The following CCDC78 variants were observed in gnomAD, a reference collection of about 807,000 sequenced individuals.
The protein encoded by CCDC78 is coiled-coil domain-containing protein 78.
A neutral mutation model predicts 61.9 loss-of-function variants in CCDC78; 78 were observed. The ratio of observed to expected loss-of-function variants is 1.26; its 90% CI spans 1.05 to 1.52. The LOEUF is 1.52. CCDC78 is among the 40% of genes most tolerant of loss of function. CCDC78 has a pLI of 0.00. For missense variants in CCDC78, 737 were observed against 615.5 expected (o/e 1.20, Z -2.09); for synonymous variants, 287 against 251.9 (o/e 1.14, Z -1.32).
Position 726,012 on chromosome 16 carries a change from G to C in CCDC78, c.134C>G (p.Ala45Gly). Reference protein sequence around the residue: ...GTAVWATSLEAEVPPDLALNK... With the variant: ...GTAVWATSLEGEVPPDLALNK... ...GAGCGCTAGATCTGGTGGGACCTCT[G>C]CTTCCAAGCTGGTGGCCCACACTGC... Residue 45 changes from alanine (A) to glycine (G), a missense_variant, in exon 2 of 14, where the codon GCA becomes GGA. Coordinates refer to ENST00000345165, the MANE Select transcript of CCDC78 (RefSeq NM_001378030.1). The C allele has an allele frequency of 6.5e-7, 1 of 1,549,398 alleles. No homozygotes were observed. The highest frequency in any genetic ancestry group is 1.4e-5 in the African/African-American group (1 of 73,204).
At chr16:723,445 C>T in intron 11 of CCDC78, 1 of 692,410 alleles carries the variant, frequency 1.4e-6, no homozygotes, top group South Asian at 1.5e-5. Flanking sequence ...GATGCCACCC[C>T]CACACGGGTG....
Position 724,397 on chromosome 16 carries a change from G to A in CCDC78, c.878C>T (p.Ala293Val). 6.2e-7 allele frequency: 1 copy of A among 1,611,382 alleles called. No individual in the cohort carries two copies. The highest frequency in any genetic ancestry group is 2.2e-5 in the East Asian group (1 of 44,876). The change falls in exon 9 of 14, where the codon GCC becomes GTC. Residue 293 changes from alanine to valine, a missense_variant. By Grantham distance (64) the Ala-to-Val change is moderately conservative (BLOSUM62 0). Transcript: ENST00000345165. ...AAHRSREQQLARAARSYHKRL... is the reference protein window; with the variant it reads ...AAHRSREQQLVRAARSYHKRL... ...CTTGTGGTAGCTGCGGGCAGCCCGGGCCAGCTGCTGCTCACGGCTGCGGTG... is the reference window on the plus strand; with the variant it reads ...CTTGTGGTAGCTGCGGGCAGCCCGGACCAGCTGCTGCTCACGGCTGCGGTG...
chr16:726,222 G>T, intron 1 of CCDC78, 86 bp downstream of exon 1: 1 of 1,550,260 alleles, frequency 6.5e-7, no homozygotes, highest in Admixed American at 2.0e-5. Context: ...TAGGCCCAGG[G>T]TGCAGGAACC....
chr16:726,148 A>G (rs1567328134), intron 1 of CCDC78, 63 bp from the exon 2 acceptor site: 1 of 1,550,158 alleles, frequency 6.5e-7, no homozygotes, highest in South Asian at 1.2e-5. Context: ...CCCCACTCCC[A>G]TGCAGTCACC....
In CCDC78 at chr16:724,327, G is replaced by A. The variant is rs775101094; in HGVS notation, c.948C>T (p.Ala316=). 1 of 1,610,770 alleles carries A rather than the reference G, an allele frequency of 6.2e-7. No individual in the cohort carries two copies. The highest frequency in any genetic ancestry group is 1.7e-5 in the Admixed American group (1 of 59,936). The change falls in exon 9 of 14, where the codon GCC becomes GCT. Residue 316 remains alanine (A), a synonymous_variant. Coordinates refer to ENST00000345165, the MANE Select transcript of CCDC78 (RefSeq NM_001378030.1). The part of the protein sequence containing the change: ...LSRRHEELLV[A]YRAPGNPQAI... ...CCCATCCCAGCGGGGCCCACCTGTA[G>A]GCAACCAGTAGCTCTTCATGCCTGC...
rs1303106602 is a variant in CCDC78, at chr16:725,487, G to A, written c.361C>T (p.His121Tyr). Residue 121 changes from histidine to tyrosine, a missense_variant, in exon 4 of 14, where the codon CAT becomes TAT. Transcript: ENST00000345165. ...CAVPVESDPR[H>Y]PRAAAQELRH... ...AGCTCTTGGGCTGCTGCCCGGGGAT[G>A]CCTGGGGTCAGACTCCACTGGGACT... The A allele has an allele frequency of 1.2e-6, 2 of 1,612,592 alleles. No homozygotes were observed. The highest frequency in any genetic ancestry group is 2.7e-5 in the African/African-American group (2 of 74,950).
Position 723,877 on chromosome 16 carries a change from C to T in CCDC78, c.1113G>A (p.Gln371=). 6.3e-7 allele frequency: 1 copy of T among 1,595,862 alleles called. No individual in the cohort carries two copies. The highest frequency in any genetic ancestry group is 8.5e-7 in the Non-Finnish European group (1 of 1,171,506). Residue 371 remains glutamine (Q), a synonymous_variant, in exon 11 of 14, where the codon CAG becomes CAA. Transcript: ENST00000345165. ...SPKKRPGGAS[Q]GGTSEPQGLD... is the part of the protein sequence containing the mutation. ...CTCACTGTGGCTCTGATGTTCCCCC[C>T]TGGGAGGCTCCACCGGGTCTCTTTT...
At position 725,234 on chromosome 16, in the gene CCDC78, C is replaced by CA. The variant is rs753148199; in HGVS notation, c.492+2dup. ...CCCCTGAGCTAGGTGGCTGCACACT[C>CA]ACGCCGCTCCCCAGCCTGTGCTGCT... On this transcript the variant is annotated splice_region_variant and intron_variant, in intron 5 of 13. Transcript: ENST00000345165. 3.1e-6 allele frequency: 5 copies of CA among 1,608,578 alleles called. No individual in the cohort carries two copies. In the East Asian group the frequency reaches 6.7e-5, roughly 22 times the overall value.
intron 10 of CCDC78, 55 bp downstream of exon 10, chr16:724,051 A>C: frequency 2.2e-6 from 1 of 446,748 alleles, no homozygotes; most frequent in Non-Finnish European, 3.1e-6. Flanking sequence ...AGTGTGGGGC[A>C]GTGGGTGGGT....
chr16:725,054 G>A (rs1371457751), intron 6 of CCDC78, 24 bp downstream of exon 6: 2 of 1,612,624 alleles, frequency 1.2e-6, no homozygotes, highest in Admixed American at 1.7e-5. Context: ...CCAGGATGGG[G>A]CCCCAGGTGA....
Position 724,783 on chromosome 16 carries a change from C to T in CCDC78, c.663G>A (p.Gln221=). ...QAVVLCSCQG[Q]LRQAEAENAR... ...CATTTTCAGCCTCTGCCTGACGGAG[C>T]TGGCCTTGGCAGCTGCACAGCACCT... is the stretch of plus-strand genomic sequence containing the variant. The change falls in exon 8 of 14, where the codon CAG becomes CAA. Residue 221 remains glutamine, a synonymous_variant. Transcript: ENST00000345165. 6.2e-7 allele frequency: 1 copy of T among 1,612,138 alleles called. No homozygotes were observed. Among genetic ancestry groups the T allele is most frequent in the Non-Finnish European group, 8.5e-7 (1 of 1,179,796 alleles).
chr16:724,442 A>G lies in CCDC78; in HGVS notation c.833T>C (p.Leu278Pro). ...GCGGTGCGCTGCCCGGATGTCCTCC[A>G]GAGTCGCCTCCAGGAATGTCCGGAG... ...TALRTFLEAT[L>P]EDIRAAHRSR... is the part of the protein sequence containing the mutation. The change falls in exon 9 of 14, where the codon CTG (leucine) becomes CCG (proline). Residue 278 changes from leucine to proline, a missense_variant. Leu to Pro is a moderately conservative substitution (Grantham distance 98, BLOSUM62 -3). Transcript: ENST00000345165. The G allele has an allele frequency of 6.2e-7, 1 of 1,605,812 alleles. No homozygotes were observed. Among genetic ancestry groups the G allele is most frequent in the Non-Finnish European group, 8.5e-7 (1 of 1,179,822 alleles).
In CCDC78 at chr16:723,162, C is replaced by T; in HGVS notation, c.1134-1G>A. On this transcript the variant is annotated splice_acceptor_variant, in intron 11 of 13. Transcript: ENST00000345165. LOFTEE classifies it high-confidence loss of function. ...GGCCCAGGATGCAGCGTCCAGGCCC[C>T]TGTGAGGGGAGAGGAAAGGAGGAGT... is the stretch of plus-strand genomic sequence containing the variant. 6.2e-7 allele frequency: 1 copy of T among 1,612,512 alleles called. No individual in the cohort carries two copies. Among genetic ancestry groups the T allele is most frequent in the Non-Finnish European group, 8.5e-7 (1 of 1,179,972 alleles).
rs762887103 is a variant in CCDC78 at position 722,606 on chromosome 16, T to C, written c.*72A>G. 75 of 1,568,684 alleles carry C rather than the reference T, an allele frequency of 4.8e-5. No individual in the cohort carries two copies. The highest frequency in any genetic ancestry group is 6.1e-5 in the Non-Finnish European group (70 of 1,155,742). ...GTGGGTTCTATCCTGACTCATGTTT[T>C]ATGGGGGGCTGGGTGGGAGGGTTCT... On this transcript the variant is annotated 3_prime_UTR_variant, in exon 14 of 14. Transcript: ENST00000345165.
chr16:726,479 TC>T, upstream of CCDC78: 2 of 1,362,018 alleles, frequency 1.5e-6, no homozygotes, highest in Non-Finnish European at 2.0e-6. Context: ...CCTCTGTTGG[TC>T]CCAGGTGACT....
Position 726,382 on chromosome 16 carries a change from T to C in CCDC78, c.-15A>G. The C allele has an allele frequency of 2.0e-6, 3 of 1,520,858 alleles. No homozygotes were observed. Among genetic ancestry groups the C allele is most frequent in the Non-Finnish European group, 2.6e-6 (3 of 1,141,312 alleles). 94.2% of individuals were successfully genotyped at this position (1,520,858 alleles called of 1,614,324 possible). On this transcript the variant is annotated 5_prime_UTR_variant, in exon 1 of 14. Transcript: ENST00000345165. ...GCGTGCTCCATAGGCTAGGGAACCC[T>C]GGCCAGCTCCGAGCCCGGTGCTGCC...
At chr16:726,716 C>T (rs1225128148), upstream of CCDC78, 3 of 442,028 alleles carry the variant, frequency 6.8e-6, no homozygotes, top group Non-Finnish European at 1.3e-5. Flanking sequence ...CCCTGAGCTA[C>T]ACTCGCTGGA....
chr16:724,256 G>C, intron 9 of CCDC78, 51 bp from the exon 10 acceptor site: 1 of 1,588,030 alleles, frequency 6.3e-7, no homozygotes, highest in African/African-American at 1.3e-5. Context: ...TGCACACCAA[G>C]CCTTTGAGGC....
chr16:725,090 A>C lies in CCDC78; in HGVS notation c.548T>G (p.Leu183Arg), dbSNP rs767433826. 1.2e-6 allele frequency: 2 copies of C among 1,612,604 alleles called. No homozygotes were observed. Among genetic ancestry groups the C allele is most frequent in the African/African-American group, 2.7e-5 (2 of 74,920 alleles). Residue 183 changes from leucine to arginine, a missense_variant, in exon 6 of 14, where the codon CTG becomes CGG. Leu to Arg is a moderately radical substitution (Grantham distance 102). Transcript: ENST00000345165. ...LEHQEARQQALVTRVATLGRQ... is the reference protein window; with the variant it reads ...LEHQEARQQARVTRVATLGRQ... ...GATGGCCACTCACACACGCGTCACC[A>C]GTGCCTGCTGCCGGGCCTCCTGATG...
Sources: allele counts gnomAD v4.1 joint callset, GRCh38; gene constraint gnomAD v4.1.1; transcripts MANE v1.5; gene names NCBI Gene and HGNC (gene_info 2026-07-23, HGNC 2026-07-21).